The following CEP112 variants were observed in gnomAD, a reference collection of about 807,000 sequenced individuals.
CEP112 encodes centrosomal protein 112, also known as centrosomal protein of 112 kDa.
In CEP112, 127 loss-of-function variants were observed where a neutral mutation model predicts 153.0. That is an observed-to-expected ratio of 0.83 (90% CI 0.72 to 0.96). The LOEUF is 0.96. Ranked by LOEUF, CEP112 falls within the 40% of genes least tolerant of loss-of-function variation. The pLI is 0.00. For synonymous variants in CEP112, 358 were observed against 374.4 expected, an observed-to-expected ratio of 0.96 and a Z score of 0.51; for missense variants, 1,089 against 1,101.2, an observed-to-expected ratio of 0.99 and a Z score of 0.16.
chr17:66,151,037 T>C (rs2071187937), intron 4 of CEP112, among the ~76,000 whole-genome samples: 1 of 152,242 alleles, frequency 6.6e-6, no homozygotes, highest in African/African-American at 2.4e-5. Flanking sequence ...GTTTCCATGA[T>C]ACATCTCTTT....
intron 6 of CEP112, among the ~76,000 whole-genome samples, chr17:66,110,091 C>A (rs370248147): frequency 6.6e-6 from 1 of 152,144 alleles, no homozygotes; most frequent in Non-Finnish European, 1.5e-5. Context: ...ACCCAGGAGG[C>A]GGAGCTTGCA....
At chr17:65,683,826 C>G (rs949292318) in intron 24 of CEP112, among the ~76,000 whole-genome samples, 6 of 152,058 alleles carry the variant, frequency 3.9e-5, no homozygotes, top group Non-Finnish European at 5.9e-5. Context: ...GGCAGATCAC[C>G]AGGTCAGGAG....
chr17:66,122,645 C>T (rs944711916), intron 6 of CEP112, among the ~76,000 whole-genome samples: 22 of 152,146 alleles, frequency 1.4e-4, no homozygotes, highest in African/African-American at 4.8e-4. Context: ...AACTCTATAT[C>T]TAATTTGATA....
chr17:65,710,726 G>T (rs1567898006), intron 23 of CEP112, among the ~76,000 whole-genome samples: 1 of 152,180 alleles, frequency 6.6e-6, no homozygotes, highest in Non-Finnish European at 1.5e-5. Context: ...AAGGCTCGTG[G>T]CAGGCTGGAT....
At chr17:65,932,736 T>C (rs553105030) in intron 18 of CEP112, among the ~76,000 whole-genome samples, 3 of 152,228 alleles carry the variant, frequency 2.0e-5, no homozygotes, top group Non-Finnish European at 2.9e-5. Flanking sequence ...CCGGATCTCA[T>C]GAGAACACCC....
chr17:65,637,129 G>T lies in CEP112; in HGVS notation c.2859C>A (p.Gly953=). 6.2e-7 allele frequency: 1 copy of T among 1,613,426 alleles called. No individual in the cohort carries two copies. Among genetic ancestry groups the T allele is most frequent in the South Asian group, 1.1e-5 (1 of 91,062 alleles). The change falls in exon 26 of 27, where the codon GGC becomes GGA. Residue 953 remains glycine, a synonymous_variant. Transcript: ENST00000535342. ...CACCTGCTTATGGGCTGTACCTTCT[G>T]CCTTGATATGTAGTCAGTTCTTCCT... The part of the protein sequence containing the change: ...ILQEELTTYQ[G]RR
chr17:66,005,621 A>T, intron 17 of CEP112, 69 bp downstream of exon 17: 1 of 1,539,694 alleles, frequency 6.5e-7, no homozygotes. Context: ...TTTAGGTCCC[A>T]GTTACTTAAT....
At chr17:66,185,513 G>A (rs867935525) in intron 1 of CEP112, among the ~76,000 whole-genome samples, 10 of 152,102 alleles carry the variant, frequency 6.6e-5, no homozygotes, top group African/African-American at 9.7e-5. Flanking sequence ...GAGCCACTGC[G>A]CCCCGCCAAA....
At chr17:65,871,205 C>T (rs7211362) in intron 20 of CEP112, among the ~76,000 whole-genome samples, 152,224 of 152,344 alleles carry the variant, frequency 1, 76,052 homozygotes, top group Non-Finnish European at 1. Context: ...AGTGCTGCCC[C>T]CTGTGAAGTG....
intron 23 of CEP112, among the ~76,000 whole-genome samples, chr17:65,738,482 A>G (rs1168041544): frequency 6.6e-6 from 1 of 152,202 alleles, no homozygotes; most frequent in Non-Finnish European, 1.5e-5. Flanking sequence ...AACAAAAAAA[A>G]TCAATAGTAT....
chr17:66,106,697 C>A (rs938054433), intron 6 of CEP112, among the ~76,000 whole-genome samples: 2 of 151,988 alleles, frequency 1.3e-5, no homozygotes, highest in African/African-American at 2.4e-5. Context: ...GGCTTCACTG[C>A]TGAATTTTAT....
chr17:65,729,945 A>C (rs1398291745), intron 23 of CEP112, among the ~76,000 whole-genome samples: 1 of 147,010 alleles, frequency 6.8e-6, no homozygotes, highest in Non-Finnish European at 1.5e-5. Flanking sequence ...ACAAACAAAC[A>C]AACAGAAAAA....
chr17:66,133,592 C>T (rs2070299922), intron 4 of CEP112, among the ~76,000 whole-genome samples: 3 of 152,140 alleles, frequency 2.0e-5, no homozygotes. Context: ...TAAATGGCCT[C>T]CTTTAGCCTG....
At chr17:65,813,546 G>A (rs1017815760) in intron 21 of CEP112, among the ~76,000 whole-genome samples, 4 of 152,194 alleles carry the variant, frequency 2.6e-5, no homozygotes, top group African/African-American at 9.7e-5. Flanking sequence ...TCCTGACATA[G>A]GTGTTGGAGA....
intron 23 of CEP112, among the ~76,000 whole-genome samples, chr17:65,724,272 C>T (rs973531487): frequency 2.0e-5 from 3 of 152,166 alleles, no homozygotes; most frequent in African/African-American, 7.2e-5. Context: ...TTAATTTTTG[C>T]CAATTACATA....
chr17:65,964,350 T>C (rs1210102060), intron 17 of CEP112, among the ~76,000 whole-genome samples: 1 of 152,234 alleles, frequency 6.6e-6, no homozygotes, highest in African/African-American at 2.4e-5. Context: ...CACCACTATA[T>C]GAAAGACTGA....
chr17:65,917,994 C>T (rs1043282367), intron 19 of CEP112, among the ~76,000 whole-genome samples: 3 of 151,862 alleles, frequency 2.0e-5, no homozygotes, highest in East Asian at 1.9e-4. Flanking sequence ...CTGGGCAACA[C>T]GATGAAACCC....
chr17:65,778,804 T>A (rs2053836886), intron 21 of CEP112, among the ~76,000 whole-genome samples: 1 of 152,114 alleles, frequency 6.6e-6, no homozygotes, highest in South Asian at 2.1e-4. Flanking sequence ...AAAAGAGAAT[T>A]TGGGGTAAAA....
At chr17:66,001,233 G>A (rs2064033584) in intron 17 of CEP112, among the ~76,000 whole-genome samples, 1 of 152,202 alleles carries the variant, frequency 6.6e-6, no homozygotes, top group Admixed American at 6.5e-5. Context: ...TTTTTCATAT[G>A]ATGGTTGACC....
Sources: gnomAD v4.1 joint callset for allele counts (sites outside exome capture counted in the v4.1 genomes callset) on GRCh38, gnomAD v4.1.1 for gene constraint, MANE v1.5 for transcripts, NCBI Gene and HGNC (gene_info 2026-07-23, HGNC 2026-07-21) for gene names.